PTPRC: variants seen among roughly 807,000 people sequenced by gnomAD.
PTPRC encodes protein tyrosine phosphatase receptor type C, also known as receptor-type tyrosine-protein phosphatase C.
In PTPRC, 44 loss-of-function variants were observed where a neutral mutation model predicts 155.9. The observed-to-expected ratio is 0.28, with a 90% CI of 0.22 to 0.36. The LOEUF (loss-of-function observed/expected upper bound fraction) is 0.36, where lower values mean the gene tolerates loss of function less well. PTPRC is among the 10% of genes least tolerant of loss of function. The pLI is 1.00. For missense variants in PTPRC, 1,401 were observed against 1,564.6 expected (o/e 0.90, Z 1.76); for synonymous variants, 525 against 533.1 (o/e 0.98, Z 0.21).
At chr1:198,673,328 C>T (rs990866273) in intron 2 of PTPRC, among the ~76,000 whole-genome samples, 1 of 152,106 alleles carries the variant, frequency 6.6e-6, no homozygotes, top group African/African-American at 2.4e-5. Flanking sequence ...TCAAATTTTT[C>T]TCAGCTACTC....
At chr1:198,728,560 G>A in intron 16 of PTPRC, 112 bp downstream of exon 16, 1 of 1,316,182 alleles carries the variant, frequency 7.6e-7, no homozygotes, top group Non-Finnish European at 1.0e-6. Context: ...CTAGAGAGAA[G>A]ACAGCATACA....
At chr1:198,690,696 T>C (rs148183590) in intron 2 of PTPRC, among the ~76,000 whole-genome samples, 1 of 152,046 alleles carries the variant, frequency 6.6e-6, no homozygotes, top group Non-Finnish European at 1.5e-5. Flanking sequence ...TCTCAGAAGA[T>C]AAAATATAAA....
intron 2 of PTPRC, among the ~76,000 whole-genome samples, chr1:198,661,553 T>A (rs767400736): frequency 5.3e-5 from 8 of 151,886 alleles, no homozygotes; most frequent in Non-Finnish European, 8.8e-5. Flanking sequence ...TTTCTACTAA[T>A]GAGAGAATGA....
intron 2 of PTPRC, among the ~76,000 whole-genome samples, chr1:198,672,743 T>C (rs1400266558): frequency 1.3e-5 from 2 of 151,992 alleles, no homozygotes; most frequent in Non-Finnish European, 2.9e-5. Flanking sequence ...CAATCTTGGC[T>C]ACCCAAAGTG....
At chr1:198,661,124 T>A (rs999233896) in intron 2 of PTPRC, among the ~76,000 whole-genome samples, 1 of 152,100 alleles carries the variant, frequency 6.6e-6, no homozygotes, top group Non-Finnish European at 1.5e-5. Context: ...AAATTTGTGG[T>A]TTCAAAATCT....
At position 198,718,099 on chromosome 1, in the gene PTPRC, A is replaced by T; in HGVS notation, c.1456A>T (p.Ser486Cys). 6.2e-7 allele frequency: 1 copy of T among 1,611,172 alleles called. No homozygotes were observed. The highest frequency in any genetic ancestry group is 8.5e-7 in the Non-Finnish European group (1 of 1,177,238). Residue 486 changes from serine (S) to cysteine (C), a missense_variant, in exon 14 of 33, where the codon AGC becomes TGC. By Grantham distance (112) the Ser-to-Cys change is moderately radical. This residue lies in a region of PTPRC where 867 missense variants were observed against 970.4 expected (regional missense o/e 0.89). Transcript: ENST00000442510. ...ATCTTTCTTCATTTTGATAGCTCCA[A>T]GCCAGGTCTGGAACATGACTGTCTC... ...CHFTTKSAPP[S>C]QVWNMTVSMT...
chr1:198,703,510 A>T, intron 7 of PTPRC, 138 bp downstream of exon 7: 1 of 1,345,638 alleles, frequency 7.4e-7, no homozygotes. Context: ...GGGTGATGGA[A>T]CAGCAGGAAG....
chr1:198,707,891 C>T (rs976290215), intron 9 of PTPRC, among the ~76,000 whole-genome samples: 6 of 152,102 alleles, frequency 3.9e-5, no homozygotes, highest in Non-Finnish European at 7.4e-5. Context: ...CATTTTTTAA[C>T]GTGGTATAAC....
At chr1:198,639,004 T>A (rs769068141), upstream of PTPRC, 125 of 449,922 alleles carry the variant, frequency 2.8e-4, no homozygotes, top group Admixed American at 9.4e-4. Flanking sequence ...AGAGGACCCT[T>A]ACAGTATTTT....
intron 2 of PTPRC, among the ~76,000 whole-genome samples, chr1:198,668,715 G>A (rs114796933): frequency 6.6e-6 from 1 of 152,212 alleles, no homozygotes; most frequent in South Asian, 2.1e-4. Context: ...AAGGAATTAG[G>A]TAGGTTCTGT....
rs75728435 is a variant in PTPRC at position 198,687,372 on chromosome 1, T to A, written c.74-4975T>A. Among the ~76,000 whole-genome samples the A allele has an allele frequency of 4.7e-4, 72 of 152,320 alleles. 1 individual carries two copies. The East Asian group carries it at 0.014, about 29-fold the overall frequency. ...CTATGATTTTGGTAATGTTTAATAATGTTTGCACATATGAAGTGCAACAGA... is the reference window on the plus strand; with the variant it reads ...CTATGATTTTGGTAATGTTTAATAAAGTTTGCACATATGAAGTGCAACAGA... On this transcript the variant is annotated intron_variant, in intron 2 of 32. Transcript: ENST00000442510.
At chr1:198,678,685 A>G (rs924516451) in intron 2 of PTPRC, among the ~76,000 whole-genome samples, 1 of 151,936 alleles carries the variant, frequency 6.6e-6, no homozygotes, top group Non-Finnish European at 1.5e-5. Context: ...CACCATAAAA[A>G]CACGCTGCGT....
rs1653693683 is a variant in PTPRC at position 198,718,224 on chromosome 1, T to C, written c.1581T>C (p.Thr527=). The change falls in exon 14 of 33, where the codon ACT becomes ACC. Residue 527 remains threonine (T), a synonymous_variant. Transcript: ENST00000442510. ...RYHLEVEAGN[T]LVRNESHKNC... is the part of the protein sequence containing the mutation. The stretch of plus-strand genomic sequence containing the variant: ...ATTTGGAAGTTGAAGCTGGAAATAC[T>C]CTGGTTAGAAATGAGTCGCATAAGA... 3 of 1,614,020 alleles carry C rather than the reference T, an allele frequency of 1.9e-6. No individual in the cohort carries two copies. Among genetic ancestry groups the C allele is most frequent in the African/African-American group, 2.7e-5 (2 of 74,926 alleles).
intron 2 of PTPRC, among the ~76,000 whole-genome samples, chr1:198,654,669 T>C (rs975839721): frequency 6.6e-6 from 1 of 151,794 alleles, no homozygotes; most frequent in Admixed American, 6.6e-5. Context: ...AAACCTGCTG[T>C]CCTTTATAAG....
intron 2 of PTPRC, among the ~76,000 whole-genome samples, chr1:198,656,580 A>G (rs1256415924): frequency 6.6e-6 from 1 of 151,968 alleles, no homozygotes; most frequent in Non-Finnish European, 1.5e-5. Flanking sequence ...TTGCCTGGCA[A>G]TCAGTGCCAG....
chr1:198,697,279 G>T (rs1259312936), intron 4 of PTPRC, among the ~76,000 whole-genome samples: 15 of 152,122 alleles, frequency 9.9e-5, no homozygotes. Flanking sequence ...TCCTTGGAAG[G>T]TGTCTTAAAT....
chr1:198,702,562 G>T, intron 6 of PTPRC, 32 bp downstream of exon 6: 1 of 1,612,930 alleles, frequency 6.2e-7, no homozygotes, highest in Non-Finnish European at 8.5e-7. Context: ...AGTGTCTTCA[G>T]TTATAGATAA....
At chr1:198,691,573 A>G (rs1037038730) in intron 2 of PTPRC, among the ~76,000 whole-genome samples, 2 of 151,890 alleles carry the variant, frequency 1.3e-5, no homozygotes, top group African/African-American at 2.4e-5. Flanking sequence ...CTCTTTAATA[A>G]TCCATTTTCC....
chr1:198,751,068 C>T (rs1558039855), intron 29 of PTPRC, among the ~76,000 whole-genome samples: 2 of 152,016 alleles, frequency 1.3e-5, no homozygotes, highest in Admixed American at 6.6e-5. Context: ...CAAGCCTAAA[C>T]ACGCCATTTG....
Sources: allele counts gnomAD v4.1 joint callset (sites outside exome capture counted in the v4.1 genomes callset), GRCh38; gene constraint gnomAD v4.1.1; regional missense constraint gnomAD v4.1.1; transcripts MANE v1.5; gene names NCBI Gene and HGNC (gene_info 2026-07-23, HGNC 2026-07-21).